Variants in METTL25 observed in about 807,000 individuals in gnomAD.
METTL25 encodes methyltransferase like 25.
METTL25 carries 64 observed loss-of-function variants against 71.6 expected under a neutral mutation model. That is an observed-to-expected ratio of 0.89 (90% CI 0.73 to 1.10). The LOEUF (loss-of-function observed/expected upper bound fraction) is 1.10. METTL25 is among the 50% of genes least tolerant of loss of function. METTL25 has a pLI of 0.00. For missense variants in METTL25, 807 were observed against 707.0 expected, an observed-to-expected ratio of 1.14 and a Z score of -1.60; for synonymous variants, 287 against 250.3, an observed-to-expected ratio of 1.15 and a Z score of -1.38.
intron 5 of METTL25, among the ~76,000 whole-genome samples, chr12:82,404,352 A>T (rs1242307552): frequency 6.6e-6 from 1 of 152,118 alleles, no homozygotes; most frequent in Non-Finnish European, 1.5e-5. Context: ...ATTAGGGTAA[A>T]AAATGAACTT....
intron 9 of METTL25, among the ~76,000 whole-genome samples, chr12:82,464,679 T>C (rs964278482): frequency 2.6e-5 from 4 of 152,078 alleles, no homozygotes; most frequent in Admixed American, 2.0e-4. Context: ...AGGGATTGCA[T>C]TGAACCTGTA....
At chr12:82,397,942 T>G (rs1886226778) in intron 3 of METTL25, among the ~76,000 whole-genome samples, 1 of 152,006 alleles carries the variant, frequency 6.6e-6, no homozygotes, top group South Asian at 2.1e-4. Flanking sequence ...CAAAAGTGTT[T>G]TCATTATTTT....
chr12:82,369,034 T>C (rs1882897657), intron 1 of METTL25, among the ~76,000 whole-genome samples: 1 of 152,234 alleles, frequency 6.6e-6, no homozygotes, highest in Non-Finnish European at 1.5e-5. Flanking sequence ...CTGTATACTT[T>C]AGCCACTTTG....
At chr12:82,376,855 C>T (rs1269982268) in intron 1 of METTL25, among the ~76,000 whole-genome samples, 2 of 152,186 alleles carry the variant, frequency 1.3e-5, no homozygotes, top group Non-Finnish European at 2.9e-5. Context: ...GTGGCTCACA[C>T]CTGTAATCCC....
chr12:82,467,462 G>T (rs540402479), intron 9 of METTL25, among the ~76,000 whole-genome samples: 1 of 152,104 alleles, frequency 6.6e-6, no homozygotes, highest in East Asian at 1.9e-4. Context: ...CCAGTCTAAG[G>T]GCGATGAATT....
chr12:82,446,412 T>A (rs11835854), intron 8 of METTL25, among the ~76,000 whole-genome samples: 3 of 152,030 alleles, frequency 2.0e-5, no homozygotes, highest in African/African-American at 7.2e-5. Context: ...CAGGATCATA[T>A]GTTAGCCACA....
chr12:82,395,798 C>G (rs1315154725), intron 3 of METTL25, among the ~76,000 whole-genome samples: 1 of 151,990 alleles, frequency 6.6e-6, no homozygotes, highest in East Asian at 1.9e-4. Flanking sequence ...GCAGGGACGT[C>G]TATTGTGGGG....
intron 1 of METTL25, among the ~76,000 whole-genome samples, chr12:82,377,279 C>T (rs543868541): frequency 6.6e-6 from 1 of 152,294 alleles, no homozygotes; most frequent in East Asian, 1.9e-4. Context: ...GCATGCGTCA[C>T]CTAGCATATC....
chr12:82,395,590 C>T (rs1356672878), intron 3 of METTL25, among the ~76,000 whole-genome samples: 1 of 152,050 alleles, frequency 6.6e-6, no homozygotes, highest in African/African-American at 2.4e-5. Context: ...ATCTCTAGGT[C>T]TGTCAGCAAA....
intron 9 of METTL25, among the ~76,000 whole-genome samples, chr12:82,464,241 T>C (rs1892086821): frequency 6.6e-6 from 1 of 151,906 alleles, no homozygotes; most frequent in African/African-American, 2.4e-5. Flanking sequence ...TTTGTTGTTT[T>C]GAGTTTTATA....
intron 1 of METTL25, among the ~76,000 whole-genome samples, chr12:82,365,879 G>A (rs553869270): frequency 1.3e-5 from 2 of 151,878 alleles, no homozygotes; most frequent in South Asian, 2.1e-4. Context: ...TCAGGAGATC[G>A]ACACCCTCCT....
intron 5 of METTL25, among the ~76,000 whole-genome samples, chr12:82,424,067 C>G (rs1287260484): frequency 6.6e-6 from 1 of 152,160 alleles, no homozygotes; most frequent in Non-Finnish European, 1.5e-5. Context: ...AATCATGCTG[C>G]TATAAAGACA....
intron 5 of METTL25, among the ~76,000 whole-genome samples, chr12:82,413,958 A>T (rs1887755508): frequency 1.3e-5 from 2 of 151,452 alleles, no homozygotes; most frequent in Non-Finnish European, 2.9e-5. Context: ...TAGGAAGTAA[A>T]ACTAGCAATA....
Position 82,403,013 on chromosome 12 carries a change from G to A in METTL25, c.1162G>A (p.Gly388Ser), listed in dbSNP as rs769342555. ...DCLMVGLHTC[G>S]DLAPNTLRIF... ...TTTGATGGTGGGTCTCCACACTTGT[G>A]GTGATCTGGCTCCAAATACTTTGCG... The change falls in exon 5 of 12, where the codon GGT (glycine) becomes AGT (serine). Residue 388 changes from glycine to serine, a missense_variant. Coordinates refer to ENST00000248306, the MANE Select transcript of METTL25 (RefSeq NM_032230.3). The A allele has an allele frequency of 1.9e-6, 3 of 1,612,272 alleles. No individual in the cohort carries two copies. The highest frequency in any genetic ancestry group is 2.7e-5 in the African/African-American group (2 of 74,814).
chr12:82,380,935 AG>A (rs1884382920), intron 1 of METTL25, among the ~76,000 whole-genome samples: 1 of 152,214 alleles, frequency 6.6e-6, no homozygotes, highest in African/African-American at 2.4e-5. Flanking sequence ...TCATGAGGGA[AG>A]GTGGTCTCAG....
At chr12:82,377,599 A>G (rs1197004599) in intron 1 of METTL25, among the ~76,000 whole-genome samples, 3 of 152,220 alleles carry the variant, frequency 2.0e-5, no homozygotes. Flanking sequence ...CTACCAGTGA[A>G]AAAAGAATAA....
chr12:82,399,226 T>C lies in METTL25; in HGVS notation c.963T>C (p.Asn321=). The part of the protein sequence containing the change: ...SFSLINLLPI[N]AVEPTSSQQI... ...CTCTTATAAACCTTTTGCCTATTAA[T>C]GCTGTAGAGCCTACTTCTTCACAGC... The change falls in exon 4 of 12, where the codon AAT becomes AAC. Residue 321 remains asparagine, a synonymous_variant. Coordinates refer to ENST00000248306, the MANE Select transcript of METTL25 (RefSeq NM_032230.3). The C allele has an allele frequency of 1.2e-6, 2 of 1,613,578 alleles. No homozygotes were observed. The highest frequency in any genetic ancestry group is 1.7e-6 in the Non-Finnish European group (2 of 1,179,758).
chr12:82,418,218 G>A (rs1888154418), intron 5 of METTL25, among the ~76,000 whole-genome samples: 1 of 152,142 alleles, frequency 6.6e-6, no homozygotes, highest in Admixed American at 6.6e-5. Context: ...GAATGGAGTT[G>A]TCATTTATTG....
intron 2 of METTL25, among the ~76,000 whole-genome samples, chr12:82,387,387 TAAA>T (rs1300153468): frequency 6.6e-6 from 1 of 151,712 alleles, no homozygotes; most frequent in African/African-American, 2.4e-5. Context: ...TGGTACAAAT[TAAA>T]AAAACAAATA....
Sources: allele counts gnomAD v4.1 joint callset (sites outside exome capture counted in the v4.1 genomes callset), GRCh38; gene constraint gnomAD v4.1.1; transcripts MANE v1.5; gene names NCBI Gene and HGNC (gene_info 2026-07-23, HGNC 2026-07-21).